CBLB: variants seen among roughly 807,000 people sequenced by gnomAD.
CBLB encodes the protein Cbl proto-oncogene B.
A neutral mutation model predicts 104.9 loss-of-function variants in CBLB; 31 were observed. The ratio of observed to expected loss-of-function variants is 0.30; its 90% CI spans 0.22 to 0.40. The LOEUF (loss-of-function observed/expected upper bound fraction) is 0.40, where lower values mean the gene tolerates loss of function less well. Among genes scored for constraint, CBLB ranks in the 10% least tolerant of loss-of-function variants. CBLB has a pLI of 1.00. For missense variants in CBLB, 1,062 were observed against 1,214.6 expected, an observed-to-expected ratio of 0.87 and a Z score of 1.87; for synonymous variants, 440 against 422.6, an observed-to-expected ratio of 1.04 and a Z score of -0.51.
intron 12 of CBLB, among the ~76,000 whole-genome samples, chr3:105,698,672 C>G (rs2068703454): frequency 7.4e-6 from 1 of 135,964 alleles, no homozygotes; most frequent in Non-Finnish European, 1.6e-5. Context: ...GTGAATAAAA[C>G]AGCCTCCAAA....
chr3:105,665,843 A>G (rs1313156564), intron 18 of CBLB, among the ~76,000 whole-genome samples: 2 of 151,620 alleles, frequency 1.3e-5, no homozygotes, highest in African/African-American at 2.4e-5. Context: ...AGCCTGGCCA[A>G]TATGGTGAAA....
chr3:105,759,355 T>G (rs1043146742), intron 4 of CBLB, among the ~76,000 whole-genome samples: 2 of 152,186 alleles, frequency 1.3e-5, no homozygotes, highest in African/African-American at 2.4e-5. Context: ...CACCAGGAAC[T>G]GACAGCCCGG....
chr3:105,761,336 A>G (rs2077606744), intron 4 of CBLB, among the ~76,000 whole-genome samples: 1 of 152,080 alleles, frequency 6.6e-6, no homozygotes, highest in African/African-American at 2.4e-5. Flanking sequence ...CCACCCCCTA[A>G]ACACTGATTT....
chr3:105,867,135 C>T (rs940750711), intron 2 of CBLB, among the ~76,000 whole-genome samples: 1 of 152,162 alleles, frequency 6.6e-6, no homozygotes, highest in African/African-American at 2.4e-5. Flanking sequence ...TATGGCCATA[C>T]ACCAACAAAA....
At chr3:105,745,542 T>C (rs928851083) in intron 6 of CBLB, among the ~76,000 whole-genome samples, 2 of 152,246 alleles carry the variant, frequency 1.3e-5, no homozygotes, top group Non-Finnish European at 2.9e-5. Flanking sequence ...TATGTACTTA[T>C]ATTTATCAGA....
At chr3:105,662,327 G>T (rs1344694560) in intron 18 of CBLB, among the ~76,000 whole-genome samples, 1 of 152,112 alleles carries the variant, frequency 6.6e-6, no homozygotes, top group African/African-American at 2.4e-5. Flanking sequence ...CTATCTTCTG[G>T]TCCCCTAAGA....
intron 13 of CBLB, among the ~76,000 whole-genome samples, chr3:105,686,381 C>T (rs2067000893): frequency 6.6e-6 from 1 of 151,506 alleles, no homozygotes; most frequent in Non-Finnish European, 1.5e-5. Flanking sequence ...TGGGAATACA[C>T]ACATGGATCC....
chr3:105,841,359 T>C (rs1235003688), intron 3 of CBLB, among the ~76,000 whole-genome samples: 3 of 151,598 alleles, frequency 2.0e-5, no homozygotes, highest in Non-Finnish European at 4.4e-5. Flanking sequence ...GTTCTGGAGA[T>C]CACATTATTT....
intron 14 of CBLB, 145 bp downstream of exon 14, chr3:105,685,175 C>CTGGAAA (rs1281887727): frequency 2.7e-6 from 2 of 727,646 alleles, no homozygotes; most frequent in Non-Finnish European, 4.7e-6. Flanking sequence ...AAAAGTAATG[C>CTGGAAA]TGGAAATGGT....
intron 3 of CBLB, among the ~76,000 whole-genome samples, chr3:105,851,195 A>G (rs1234310382): frequency 6.6e-6 from 1 of 152,214 alleles, no homozygotes; most frequent in African/African-American, 2.4e-5. Flanking sequence ...AGTATTATTC[A>G]GTGGCATAAA....
intron 17 of CBLB, chr3:105,673,575 G>T (rs1327700011): frequency 6.6e-6 from 1 of 152,136 alleles, no homozygotes; most frequent in Non-Finnish European, 1.5e-5. Flanking sequence ...GCTAAAAAAG[G>T]TTTGAAGAGC....
intron 3 of CBLB, among the ~76,000 whole-genome samples, chr3:105,851,374 C>CA (rs764408686): frequency 3.3e-5 from 5 of 151,966 alleles, no homozygotes; most frequent in African/African-American, 1.2e-4. Flanking sequence ...GCCATGGGTT[C>CA]AGGGGGGGAA....
chr3:105,721,477 A>T (rs878929633), intron 9 of CBLB, among the ~76,000 whole-genome samples: 1 of 152,184 alleles, frequency 6.6e-6, no homozygotes, highest in Non-Finnish European at 1.5e-5. Context: ...TCCTTTGCCA[A>T]ACAAAGTGTC....
In CBLB at chr3:105,702,327, G is replaced by A. The variant is rs776647009; in HGVS notation, c.1726C>T (p.His576Tyr). 6.2e-7 allele frequency: 1 copy of A among 1,613,974 alleles called. No homozygotes were observed. The highest frequency in any genetic ancestry group is 8.5e-7 in the Non-Finnish European group (1 of 1,179,984). The change falls in exon 12 of 19, where the codon CAT (histidine) becomes TAT (tyrosine). Residue 576 changes from histidine to tyrosine, a missense_variant. His to Tyr is a moderately conservative substitution (Grantham distance 83). Coordinates refer to ENST00000394030, the MANE Select transcript of CBLB (RefSeq NM_170662.5). ...CTGGAAGGCACGCTTTCCACATGAT[G>A]GATGTGTCTACTCAGTCTATTGTCT... ...PPDNRLSRHI[H>Y]HVESVPSRDP...
In CBLB at chr3:105,693,586, G is replaced by T; in HGVS notation, c.1962C>A (p.Val654=). Residue 654 remains valine, a splice_region_variant and synonymous_variant, in exon 13 of 19, where the codon GTC becomes GTA. Transcript: ENST00000394030. ...CACTTCCAAGGTGACCATTGGAAAAGACCTGAAAGTAAATCAAATTGTTAG... is the reference window on the plus strand; with the variant it reads ...CACTTCCAAGGTGACCATTGGAAAATACCTGAAAGTAAATCAAATTGTTAG... ...RHDLPLEGAK[V]FSNGHLGSEE... 2.5e-6 allele frequency: 4 copies of T among 1,606,670 alleles called. No homozygotes were observed. The highest frequency in any genetic ancestry group is 3.4e-6 in the Non-Finnish European group (4 of 1,173,684).
chr3:105,742,564 CCA>C (rs981009965), intron 6 of CBLB, among the ~76,000 whole-genome samples: 41 of 151,900 alleles, frequency 2.7e-4, no homozygotes, highest in African/African-American at 9.6e-4. Context: ...TAAAATAATG[CCA>C]CAGAGACCTA....
chr3:105,690,020 C>T (rs2067474952), intron 13 of CBLB, among the ~76,000 whole-genome samples: 1 of 33,614 alleles, frequency 3.0e-5, no homozygotes, highest in African/African-American at 1.1e-4. Flanking sequence ...TACAGTTTAA[C>T]AGGAAACACT....
intron 12 of CBLB, among the ~76,000 whole-genome samples, chr3:105,698,067 T>C (rs559682486): frequency 6.6e-6 from 1 of 152,104 alleles, no homozygotes; most frequent in South Asian, 2.1e-4. Flanking sequence ...AGGATAGAAA[T>C]CTCTTACCAT....
intron 4 of CBLB, among the ~76,000 whole-genome samples, chr3:105,757,762 G>C (rs1174347186): frequency 6.6e-6 from 1 of 152,178 alleles, no homozygotes; most frequent in Non-Finnish European, 1.5e-5. Flanking sequence ...TTGTTTTGTT[G>C]CTGTGGTATT....
Sources: allele counts gnomAD v4.1 joint callset (sites outside exome capture counted in the v4.1 genomes callset), GRCh38; gene constraint gnomAD v4.1.1; transcripts MANE v1.5; gene names NCBI Gene and HGNC (gene_info 2026-07-23, HGNC 2026-07-21).